The following ACR variants were observed in gnomAD, a reference collection of about 807,000 sequenced individuals.
ACR encodes acrosin light and heavy chain prepropeptide.
Under a neutral mutation model 26.0 loss-of-function variants are expected in ACR, and 17 were observed. The ratio of observed to expected loss-of-function variants is 0.65; its 90% confidence interval spans 0.45 to 0.98. The LOEUF is 0.98. ACR is among the 50% of genes least tolerant of loss of function. The pLI is 0.00. For synonymous variants in ACR, 199 were observed against 207.7 expected (o/e 0.96, Z 0.36); for missense variants, 435 against 519.3 (o/e 0.84, Z 1.58).
At position 50,744,588 on chromosome 22, in the gene ACR, C is replaced by T; in HGVS notation, c.712-65C>T. ...GTGGAAATTGTCCTCCCAGAGCCTT[C>T]CGACCCCTCTGGGCAGGGGAAGAGT... On this transcript the variant is annotated intron_variant, in intron 4 of 4. Coordinates refer to ENST00000216139, the MANE Select transcript of ACR (RefSeq NM_001097.3). 5 of 1,515,844 alleles carry T rather than the reference C, an allele frequency of 3.3e-6. No individual in the cohort carries two copies. The Admixed American group carries it at 1.1e-4, about 33-fold the overall frequency. The allele number at this position is 1,515,844 out of a possible 1,614,324, so 93.9% of individuals were successfully genotyped here. A position where few individuals can be genotyped will look rare whatever the true frequency, so the allele number is the denominator to read the frequency against.
intron 4 of ACR, 150 bp from the exon 5 acceptor site, chr22:50,744,503 A>G (rs975208172): frequency 1.6e-6 from 2 of 1,226,180 alleles, no homozygotes; most frequent in African/African-American, 3.1e-5. Context: ...GAAGCCCCTG[A>G]CACCCCCTCA....
chr22:50,739,703 T>A lies in ACR; in HGVS notation c.291T>A (p.His97Gln). Residue 97 changes from histidine (H) to glutamine (Q), a missense_variant, in exon 3 of 5, where the codon CAT becomes CAA. By Grantham distance (24) the His-to-Gln change is conservative (BLOSUM62 0). Transcript: ENST00000216139. This position sits in a 1 kb window ranked among gnomAD's most constrained non-coding sequence, Gnocchi z 5.5. Reference sequence around the variant, plus strand: ...ACCTTTGTGCCCACAGTAATGTGCATGACTGGAGACTGGTTTTCGGAGCAA... The same window carrying A: ...ACCTTTGTGCCCACAGTAATGTGCAAGACTGGAGACTGGTTTTCGGAGCAA... ...AHCFVGKNNV[H>Q]DWRLVFGAKE... is the part of the protein sequence containing the mutation. The A allele has an allele frequency of 6.5e-7, 1 of 1,540,110 alleles. No individual in the cohort carries two copies. Among genetic ancestry groups the A allele is most frequent in the Non-Finnish European group, 8.7e-7 (1 of 1,145,764 alleles).
At chr22:50,741,062 A>G (rs1174531553) in intron 3 of ACR, among the ~76,000 whole-genome samples, 7 of 152,174 alleles carry the variant, frequency 4.6e-5, no homozygotes, top group Non-Finnish European at 1.0e-4. Context: ...GTGCATCTCA[A>G]TCTCTTTTTT....
intron 3 of ACR, among the ~76,000 whole-genome samples, chr22:50,741,763 AGGGTATTGCTT>A (rs965415940): frequency 3.0e-4 from 45 of 151,062 alleles, no homozygotes; most frequent in Admixed American, 1.1e-3. Flanking sequence ...TGGGGCTGGA[AGGGTATTGCTT>A]GGGTATTGCT....
intron 4 of ACR, 92 bp from the exon 5 acceptor site, chr22:50,744,561 C>T (rs541386500): frequency 2.2e-4 from 326 of 1,470,352 alleles, no homozygotes; most frequent in Non-Finnish European, 2.8e-4. Flanking sequence ...GACCATGTCA[C>T]TGTGGAAATT....
In ACR at chr22:50,739,371, C is replaced by G. The variant is rs755756962; in HGVS notation, c.178C>G (p.Leu60Val). 1 of 1,613,786 alleles carries G rather than the reference C, an allele frequency of 6.2e-7. No individual in the cohort carries two copies. Among genetic ancestry groups the G allele is most frequent in the Non-Finnish European group, 8.5e-7 (1 of 1,179,882 alleles). ...TGGGGCCTGGCCCTGGATGGTCAGC[C>G]TCCAGATCTTCACGTACAACAGCCA... ...QHGAWPWMVS[L>V]QIFTYNSHRY... Residue 60 changes from leucine (L) to valine (V), a missense_variant, in exon 2 of 5, where the codon CTC (leucine) becomes GTC (valine). Transcript: ENST00000216139. The surrounding 1 kb of genome is among the most constrained non-coding windows in gnomAD (Gnocchi z 5.5).
At position 50,739,277 on chromosome 22, in the gene ACR, C is replaced by A; in HGVS notation, c.84C>A (p.Pro28=). 1.3e-6 allele frequency: 2 copies of A among 1,571,746 alleles called. No individual in the cohort carries two copies. Among genetic ancestry groups the A allele is most frequent in the East Asian group, 4.7e-5 (2 of 42,484 alleles). ...VAKDNATCDG[P]CGLRFRQNPQ... The stretch of plus-strand genomic sequence containing the variant: ...TGCTCTGGTCTCTCCCCAGTGGCCC[C>A]TGTGGGTTACGGTTCAGGCAAAACC... The change falls in exon 2 of 5, where the codon CCC becomes CCA. Residue 28 remains proline, a synonymous_variant. Coordinates refer to ENST00000216139, the MANE Select transcript of ACR (RefSeq NM_001097.3). This position sits in a 1 kb window ranked among gnomAD's most constrained non-coding sequence, Gnocchi z 5.5.
intron 3 of ACR, among the ~76,000 whole-genome samples, chr22:50,743,161 G>C (rs1418196420): frequency 1.3e-5 from 2 of 150,238 alleles, no homozygotes; most frequent in African/African-American, 2.5e-5. Flanking sequence ...TCAGCCTCCC[G>C]AGTAGCTGGG....
chr22:50,742,598 ATTG>A (rs2083429935), intron 3 of ACR, among the ~76,000 whole-genome samples: 1 of 151,594 alleles, frequency 6.6e-6, no homozygotes, highest in Admixed American at 6.6e-5. Flanking sequence ...GATTGTTGTC[ATTG>A]TTGTTTCAAT....
intron 3 of ACR, chr22:50,740,894 C>G: frequency 1.7e-6 from 1 of 585,876 alleles, no homozygotes; most frequent in Admixed American, 2.9e-5. Context: ...AGACACCTCT[C>G]CCTACATACT....
In ACR at chr22:50,744,759, G is replaced by T. The variant is rs2083441827; in HGVS notation, c.818G>T (p.Gly273Val). The change falls in exon 5 of 5, where the codon GGA (glycine) becomes GTA (valine). Residue 273 changes from glycine to valine, a missense_variant. By Grantham distance (109) the Gly-to-Val change is moderately radical (BLOSUM62 -3). This residue lies in a region of ACR where 314 missense variants were observed against 372.0 expected (regional missense o/e 0.84). Transcript: ENST00000216139. Reference protein sequence around the residue: ...GVGCARAKRPGIYTATWPYLN... With the variant: ...GVGCARAKRPVIYTATWPYLN... ...GGCTGTGCCCGTGCCAAGCGCCCCG[G>T]AATCTACACGGCCACCTGGCCCTAT... is the stretch of plus-strand genomic sequence containing the variant. The T allele has an allele frequency of 6.3e-7, 1 of 1,592,770 alleles. No homozygotes were observed. Among genetic ancestry groups the T allele is most frequent in the South Asian group, 1.1e-5 (1 of 89,714 alleles).
At chr22:50,742,567 T>C (rs2083429715) in intron 3 of ACR, among the ~76,000 whole-genome samples, 1 of 147,420 alleles carries the variant, frequency 6.8e-6, no homozygotes, top group Non-Finnish European at 1.5e-5. Context: ...AAAAAAATCG[T>C]CTTAATGGCT....
At chr22:50,738,452 G>A in intron 1 of ACR, 140 bp downstream of exon 1, 1 of 842,760 alleles carries the variant, frequency 1.2e-6, no homozygotes, top group Non-Finnish European at 1.9e-6. Context: ...GCAGCCTGGA[G>A]CCCCCAGACC....
Position 50,744,848 on chromosome 22 carries a change from C to T in ACR, c.907C>T (p.Pro303Ser), listed in dbSNP as rs368346881. Residue 303 changes from proline to serine, a missense_variant, in exon 5 of 5, where the codon CCA becomes TCA. Physicochemically the swap from Pro to Ser is moderately conservative, Grantham distance 74. Around this residue, in one of 3 missense-constraint regions of ACR, gnomAD observed 29 missense variants for 59.4 expected, o/e 0.49. Transcript: ENST00000216139. ...ALRMIQSATPPPPTTRPPPIR... is the reference protein window; with the variant it reads ...ALRMIQSATPSPPTTRPPPIR... ...GCGTATGATTCAATCGGCCACCCCT[C>T]CACCTCCCACCACTCGACCGCCCCC... The T allele has an allele frequency of 6.3e-7, 1 of 1,599,814 alleles. No individual in the cohort carries two copies. The highest frequency in any genetic ancestry group is 1.4e-5 in the African/African-American group (1 of 73,034).
chr22:50,742,509 A>C (rs1455128370), intron 3 of ACR, among the ~76,000 whole-genome samples: 21 of 148,700 alleles, frequency 1.4e-4, no homozygotes, highest in Non-Finnish European at 2.5e-4. Context: ...GCGCCACCGC[A>C]CTCCAGCCTG....
intron 3 of ACR, among the ~76,000 whole-genome samples, chr22:50,743,829 C>T (rs1377914299): frequency 6.6e-6 from 1 of 152,166 alleles, no homozygotes. Flanking sequence ...GGCCTCCACC[C>T]TTCCTTCCTC....
intron 3 of ACR, among the ~76,000 whole-genome samples, chr22:50,742,509 A>AC (rs2083428973): frequency 6.7e-6 from 1 of 148,700 alleles, no homozygotes; most frequent in African/African-American, 2.5e-5. Context: ...GCGCCACCGC[A>AC]CTCCAGCCTG....
At chr22:50,742,655 G>A (rs905568827) in intron 3 of ACR, among the ~76,000 whole-genome samples, 2 of 152,106 alleles carry the variant, frequency 1.3e-5, no homozygotes, top group African/African-American at 2.4e-5. Flanking sequence ...AACTCTCACT[G>A]CTGCTTGGAT....
At position 50,739,307 on chromosome 22, in the gene ACR, G is replaced by A; in HGVS notation, c.114G>A (p.Gln38=). The A allele has an allele frequency of 6.3e-7, 1 of 1,598,496 alleles. No homozygotes were observed. Among genetic ancestry groups the A allele is most frequent in the African/African-American group, 1.3e-5 (1 of 74,790 alleles). ...PCGLRFRQNP[Q]GGVRIVGGKA... ...GGTTACGGTTCAGGCAAAACCCACA[G>A]GGTGGTGTCCGCATCGTCGGCGGGA... The change falls in exon 2 of 5, where the codon CAG becomes CAA. Residue 38 remains glutamine, a synonymous_variant. Transcript: ENST00000216139. The surrounding 1 kb of genome is among the most constrained non-coding windows in gnomAD (Gnocchi z 5.5).
Sources: allele counts gnomAD v4.1 joint callset (sites outside exome capture counted in the v4.1 genomes callset), GRCh38; gene constraint gnomAD v4.1.1; regional missense constraint gnomAD v4.1.1; non-coding constraint Gnocchi (gnomAD v3.1); transcripts MANE v1.5; gene names NCBI Gene and HGNC (gene_info 2026-07-23, HGNC 2026-07-21).